The following SPINK5 variants were observed in gnomAD, a reference collection of about 807,000 sequenced individuals.
SPINK5 encodes the protein serine peptidase inhibitor Kazal type 5, also known as serine protease inhibitor Kazal-type 5.
Under a neutral mutation model 151.8 loss-of-function variants are expected in SPINK5, and 125 were observed. The ratio of observed to expected loss-of-function variants is 0.82; its 90% CI spans 0.71 to 0.96. The LOEUF is 0.96. Among genes scored for constraint, SPINK5 ranks in the 40% least tolerant of loss-of-function variants. The pLI is 0.00. For missense variants in SPINK5, 1,194 were observed against 1,291.9 expected (o/e 0.92, Z 1.16); for synonymous variants, 374 against 395.3 (o/e 0.95, Z 0.64).
At chr5:148,077,198 A>C (rs912485864) in intron 4 of SPINK5, among the ~76,000 whole-genome samples, 4 of 151,186 alleles carry the variant, frequency 2.6e-5, no homozygotes, top group Non-Finnish European at 5.9e-5. Context: ...AATAAAAAAA[A>C]AAAACAAAGA....
Position 148,094,501 on chromosome 5 carries a change from T to C in SPINK5, c.794+20T>C, listed in dbSNP as rs1432207559. The C allele has an allele frequency of 5.6e-6, 9 of 1,611,936 alleles. No homozygotes were observed. In the South Asian group the frequency reaches 9.9e-5, roughly 18 times the overall value. On this transcript the variant is annotated intron_variant, in intron 9 of 32. Coordinates refer to ENST00000256084, the MANE Select transcript of SPINK5 (RefSeq NM_006846.4). ...AATTTTGTGAGTATAGAAGTGGTTT[T>C]TTCAGAGTGATTCAAAGGGTGGGAG...
At chr5:148,089,759 C>G (rs1753260894) in intron 7 of SPINK5, 138 bp downstream of exon 7, 19 of 1,243,716 alleles carry the variant, frequency 1.5e-5, no homozygotes, top group East Asian at 2.4e-5. Flanking sequence ...GCCTTTCTCA[C>G]AGAAAGGCTT....
intron 18 of SPINK5, among the ~76,000 whole-genome samples, 189 bp from the exon 19 acceptor site, chr5:148,111,579 T>C (rs1405761020): frequency 6.6e-6 from 1 of 152,202 alleles, no homozygotes; most frequent in Non-Finnish European, 1.5e-5. Flanking sequence ...TCTAATGAGA[T>C]AAATAACAGC....
chr5:148,134,117 A>G (rs1188841900), intron 32 of SPINK5: 1 of 578,658 alleles, frequency 1.7e-6, no homozygotes, highest in Non-Finnish European at 3.2e-6. Flanking sequence ...GTCCATTAAT[A>G]GATTGTTTAT....
chr5:148,069,360 C>T (rs1370810507), intron 2 of SPINK5, among the ~76,000 whole-genome samples: 1 of 151,874 alleles, frequency 6.6e-6, no homozygotes, highest in African/African-American at 2.4e-5. Context: ...TTTCCCCTGT[C>T]CTCCTTAAAC....
intron 4 of SPINK5, among the ~76,000 whole-genome samples, chr5:148,084,330 C>T (rs974181908): frequency 6.6e-6 from 1 of 151,780 alleles, no homozygotes; most frequent in Non-Finnish European, 1.5e-5. Flanking sequence ...TCTGAATCCC[C>T]TCTTTTCCAC....
At chr5:148,083,887 T>C (rs1412888104) in intron 4 of SPINK5, among the ~76,000 whole-genome samples, 1 of 151,716 alleles carries the variant, frequency 6.6e-6, no homozygotes, top group East Asian at 1.9e-4. Flanking sequence ...CTTGATCTGA[T>C]CATCTGGTTC....
At chr5:148,064,236 G>A in intron 1 of SPINK5, 137 bp downstream of exon 1, 2 of 891,654 alleles carry the variant, frequency 2.2e-6, no homozygotes, top group South Asian at 2.7e-5. Flanking sequence ...CAGACACAGA[G>A]TTCTGAAGAT....
chr5:148,123,521 G>GTGTGTGTATATATATATATATA (rs1328976077), intron 26 of SPINK5, among the ~76,000 whole-genome samples: 95 of 25,004 alleles, frequency 3.8e-3, no homozygotes, highest in African/African-American at 7.4e-3. Flanking sequence ...CAATATATGT[G>GTGTGTGTATATATATATATATA]TATATATATA....
Position 148,136,936 on chromosome 5 carries a change from C to G in SPINK5, c.3187-47C>G, listed in dbSNP as rs773147050. The G allele has an allele frequency of 2.5e-6, 4 of 1,611,890 alleles. No individual in the cohort carries two copies. In the South Asian group the frequency reaches 4.4e-5, roughly 18 times the overall value. On this transcript the variant is annotated intron_variant, in intron 32 of 32. Coordinates refer to ENST00000256084, the MANE Select transcript of SPINK5 (RefSeq NM_006846.4). ...TATAAATATACAGCCCACATTTCTG[C>G]AATATCTCTGGGTTCTAGCATCTAA...
intron 32 of SPINK5, among the ~76,000 whole-genome samples, chr5:148,136,016 T>C (rs777666480): frequency 2.0e-5 from 3 of 152,158 alleles, no homozygotes; most frequent in Non-Finnish European, 4.4e-5. Context: ...TTTCCCATTT[T>C]ACAGAAAATC....
chr5:148,074,684 G>A (rs570666500), intron 4 of SPINK5, among the ~76,000 whole-genome samples: 1 of 151,734 alleles, frequency 6.6e-6, no homozygotes, highest in South Asian at 2.1e-4. Context: ...TCTTGAATTT[G>A]GTAACCCAGT....
At chr5:148,115,362 G>A (rs1754057743) in intron 21 of SPINK5, among the ~76,000 whole-genome samples, 1 of 152,160 alleles carries the variant, frequency 6.6e-6, no homozygotes, top group Admixed American at 6.6e-5. Context: ...ATGGGAAGCT[G>A]CAAAAGTTGT....
rs751589697 is a variant in SPINK5 at position 148,116,370 on chromosome 5, C to A, written c.2016C>A (p.Phe672Leu). Residue 672 changes from phenylalanine to leucine, a missense_variant and splice_region_variant, in exon 22 of 33, where the codon TTC becomes TTA. Phe to Leu is a conservative substitution (Grantham distance 22). Coordinates refer to ENST00000256084, the MANE Select transcript of SPINK5 (RefSeq NM_006846.4). ...CTACCTCCCACTTTCTAATTTCCAGCCAGAAAGAAAATGAGGAAAGAAAGA... is the reference window on the plus strand; with the variant it reads ...CTACCTCCCACTTTCTAATTTCCAGACAGAAAGAAAATGAGGAAAGAAAGA... Reference protein sequence around the residue: ...GNKCAMCKAVFQKENEERKRK... With the variant: ...GNKCAMCKAVLQKENEERKRK... 3 of 1,613,680 alleles carry A rather than the reference C, an allele frequency of 1.9e-6. No homozygotes were observed. The African/African-American group carries it at 4.0e-5, about 22-fold the overall frequency.
At chr5:148,122,171 A>C (rs554644457) in intron 26 of SPINK5, among the ~76,000 whole-genome samples, 1 of 152,304 alleles carries the variant, frequency 6.6e-6, no homozygotes, top group East Asian at 1.9e-4. Flanking sequence ...AGTGAACTAC[A>C]CATAATTAAT....
intron 30 of SPINK5, among the ~76,000 whole-genome samples, chr5:148,128,590 G>C (rs1754493060): frequency 6.6e-6 from 1 of 151,998 alleles, no homozygotes; most frequent in African/African-American, 2.4e-5. Context: ...GTGCAGTGGC[G>C]CGATCTCGGC....
chr5:148,104,620 G>A (rs545517677), intron 15 of SPINK5, among the ~76,000 whole-genome samples: 2 of 152,244 alleles, frequency 1.3e-5, no homozygotes, highest in South Asian at 4.2e-4. Context: ...TTCTGGCCAG[G>A]CACGGTGGCT....
At chr5:148,114,536 A>T in intron 21 of SPINK5, 47 bp downstream of exon 21, 1 of 1,610,438 alleles carries the variant, frequency 6.2e-7, no homozygotes, top group Non-Finnish European at 8.5e-7. Context: ...GGAATTGGGG[A>T]AGCAATGAGC....
At chr5:148,064,468 G>A (rs181207057) in intron 1 of SPINK5, among the ~76,000 whole-genome samples, 83 of 152,150 alleles carry the variant, frequency 5.5e-4, no homozygotes, top group African/African-American at 1.9e-3. Context: ...AATAATATAT[G>A]TATTTTAATG....
Sources: allele counts gnomAD v4.1 joint callset (sites outside exome capture counted in the v4.1 genomes callset), GRCh38; gene constraint gnomAD v4.1.1; transcripts MANE v1.5; gene names NCBI Gene and HGNC (gene_info 2026-07-23, HGNC 2026-07-21).